Variants in MYO18B observed in about 807,000 individuals in gnomAD.
MYO18B encodes unconventional myosin-XVIIIb.
In MYO18B, 204 loss-of-function variants were observed where a neutral mutation model predicts 273.0. The ratio of observed to expected loss-of-function variants is 0.75; its 90% CI spans 0.67 to 0.84. The LOEUF (loss-of-function observed/expected upper bound fraction) is 0.84. Among genes scored for constraint, MYO18B ranks in the 40% least tolerant of loss-of-function variants. The probability of loss-of-function intolerance (pLI) is 0.00; values close to 1 mark genes in which losing one functional copy is unlikely to be tolerated. For synonymous variants in MYO18B, 1,330 were observed against 1,305.7 expected (o/e 1.02, Z -0.40); for missense variants, 3,212 against 3,287.6 (o/e 0.98, Z 0.56).
intron 11 of MYO18B, among the ~76,000 whole-genome samples, chr22:25,797,744 C>A (rs150694831): frequency 2.8e-4 from 42 of 152,332 alleles, no homozygotes; most frequent in African/African-American, 1.0e-3. Context: ...AGCCACACTG[C>A]ATTTCAAAGT....
chr22:25,781,426 G>A (rs1026898427), intron 9 of MYO18B, among the ~76,000 whole-genome samples: 7 of 151,938 alleles, frequency 4.6e-5, no homozygotes, highest in African/African-American at 1.2e-4. Flanking sequence ...TGGCTAATGC[G>A]GTGAAACCCC....
chr22:25,800,163 A>G (rs554922376), intron 12 of MYO18B, among the ~76,000 whole-genome samples: 82 of 152,276 alleles, frequency 5.4e-4, no homozygotes, highest in Middle Eastern at 6.8e-3. Flanking sequence ...GAATGATATA[A>G]TAGACTTTGG....
chr22:26,016,594 G>A (rs1601839132), intron 42 of MYO18B, among the ~76,000 whole-genome samples: 1 of 152,212 alleles, frequency 6.6e-6, no homozygotes, highest in Non-Finnish European at 1.5e-5. Flanking sequence ...AGGTGAGGCA[G>A]CCCTTTGCAC....
At chr22:25,842,025 G>A (rs1020894524) in intron 17 of MYO18B, among the ~76,000 whole-genome samples, 1 of 152,212 alleles carries the variant, frequency 6.6e-6, no homozygotes. Flanking sequence ...ACTTCACTTT[G>A]CTAGAAGGGT....
chr22:25,957,827 C>T (rs984423179), intron 39 of MYO18B, among the ~76,000 whole-genome samples: 1 of 151,834 alleles, frequency 6.6e-6, no homozygotes, highest in African/African-American at 2.4e-5. Context: ...ATAAGGACAA[C>T]TGTAATTGGA....
chr22:25,753,055 AC>A (rs1338051428), intron 1 of MYO18B, among the ~76,000 whole-genome samples: 31 of 151,636 alleles, frequency 2.0e-4, no homozygotes, highest in African/African-American at 7.3e-4. Context: ...AGGGCTCAGG[AC>A]CTGCAGCCTG....
intron 12 of MYO18B, among the ~76,000 whole-genome samples, chr22:25,803,909 G>A (rs963549645): frequency 3.3e-5 from 5 of 150,016 alleles, no homozygotes; most frequent in African/African-American, 4.9e-5. Flanking sequence ...ACTTGTTGGG[G>A]TTTACACTAT....
In MYO18B at chr22:25,910,991, C is replaced by A. The variant is rs1201070692; in HGVS notation, c.5305C>A (p.Gln1769Lys). Residue 1769 changes from glutamine (Q) to lysine (K), a missense_variant, in exon 33 of 44, where the codon CAG becomes AAG. Physicochemically the swap from Gln to Lys is moderately conservative, Grantham distance 53. Transcript: ENST00000335473. Reference protein sequence around the residue: ...MQLEQEYEEKQMVLHEKQDLE... With the variant: ...MQLEQEYEEKKMVLHEKQDLE... ...GCTGGAGCAAGAGTATGAAGAGAAG[C>A]AGATGGTCCTCCATGAGAAGCAAGA... 6.2e-7 allele frequency: 1 copy of A among 1,605,216 alleles called. No homozygotes were observed. Among genetic ancestry groups the A allele is most frequent in the Admixed American group, 1.7e-5 (1 of 58,976 alleles).
chr22:25,958,041 A>G (rs1053748841), intron 39 of MYO18B, among the ~76,000 whole-genome samples: 4 of 151,682 alleles, frequency 2.6e-5, no homozygotes, highest in Admixed American at 2.6e-4. Context: ...CAGCATCCCA[A>G]GTAGCTGAGA....
chr22:25,804,954 G>T (rs764503687), intron 12 of MYO18B, among the ~76,000 whole-genome samples: 10 of 152,180 alleles, frequency 6.6e-5, no homozygotes, highest in South Asian at 2.1e-4. Flanking sequence ...TGGTGGGCTT[G>T]CCTGCTGAGG....
At chr22:25,851,102 C>T (rs2090414297) in intron 20 of MYO18B, among the ~76,000 whole-genome samples, 1 of 152,164 alleles carries the variant, frequency 6.6e-6, no homozygotes, top group South Asian at 2.1e-4. Flanking sequence ...AACCTCTGGG[C>T]TAACGTTGGG....
Position 25,876,348 on chromosome 22 carries a change from A to C in MYO18B, c.4224+16A>C. The stretch of plus-strand genomic sequence containing the variant: ...AGCCAAGGAGGTCAGTCTATGTGGC[A>C]GGCAGGGTGCTGGGTGGCTACTCCC... On this transcript the variant is annotated intron_variant, in intron 24 of 43. Transcript: ENST00000335473. 6.3e-7 allele frequency: 1 copy of C among 1,599,578 alleles called. No homozygotes were observed. The highest frequency in any genetic ancestry group is 8.5e-7 in the Non-Finnish European group (1 of 1,171,006).
intron 15 of MYO18B, 86 bp from the exon 16 acceptor site, chr22:25,832,831 T>G: frequency 8.3e-7 from 1 of 1,203,202 alleles, no homozygotes; most frequent in Non-Finnish European, 1.2e-6. Flanking sequence ...GTGATGGAAA[T>G]CCTCTCCGCT....
Position 25,768,888 on chromosome 22 carries a change from A to G in MYO18B, c.972A>G (p.Arg324=). 6.2e-7 allele frequency: 1 copy of G among 1,613,112 alleles called. No homozygotes were observed. The highest frequency in any genetic ancestry group is 8.5e-7 in the Non-Finnish European group (1 of 1,179,550). ...GAAAGTGGGGAGGTTTCCTGGGAAG[A>G]AGGAGTAAGTGGGACGGTCCCCAGA... is the stretch of plus-strand genomic sequence containing the variant. ...PGRKWGGFLG[R]RSKWDGPQNK... is the part of the protein sequence containing the mutation. Residue 324 remains arginine, a synonymous_variant, in exon 4 of 44, where the codon AGA becomes AGG. Transcript: ENST00000335473.
chr22:25,903,496 G>T (rs2091978693), intron 30 of MYO18B, 135 bp from the exon 31 acceptor site: 3 of 850,426 alleles, frequency 3.5e-6, no homozygotes, highest in South Asian at 3.5e-5. Flanking sequence ...AGGGACGGTG[G>T]GGTCCAGGTG....
chr22:25,877,829 C>T, intron 24 of MYO18B, 130 bp from the exon 25 acceptor site: 1 of 647,890 alleles, frequency 1.5e-6, no homozygotes, highest in South Asian at 2.1e-5. Flanking sequence ...TTATAGTCAC[C>T]ATTCTGTGCA....
intron 21 of MYO18B, among the ~76,000 whole-genome samples, chr22:25,860,156 G>A (rs2090689311): frequency 6.6e-6 from 1 of 152,168 alleles, no homozygotes; most frequent in African/African-American, 2.4e-5. Context: ...TAAATAAAGA[G>A]TTTATTTTCG....
At chr22:25,835,270 T>G in intron 16 of MYO18B, 26 bp from the exon 17 acceptor site, 1 of 1,609,304 alleles carries the variant, frequency 6.2e-7, no homozygotes, top group Non-Finnish European at 8.5e-7. Flanking sequence ...TCAGGGCCCT[T>G]CAGTGAATCC....
intron 42 of MYO18B, among the ~76,000 whole-genome samples, chr22:26,018,019 G>A (rs1935519769): frequency 7.0e-6 from 1 of 142,702 alleles, no homozygotes; most frequent in Non-Finnish European, 1.5e-5. Flanking sequence ...GAGTTCCAGG[G>A]GTGACTTGAA....
Sources: allele counts gnomAD v4.1 joint callset (sites outside exome capture counted in the v4.1 genomes callset), GRCh38; gene constraint gnomAD v4.1.1; transcripts MANE v1.5; gene names NCBI Gene and HGNC (gene_info 2026-07-23, HGNC 2026-07-21).